The following HYCC1 variants were observed in gnomAD, a reference collection of about 807,000 sequenced individuals.
HYCC1 encodes hyccin.
the HYCC1 span, among the ~76,000 whole-genome samples, chr7:22,925,252 G>A: frequency 2.6e-4 from 40 of 152,234 alleles, no homozygotes; most frequent in Admixed American, 1.9e-3. Flanking sequence ...CAGAAAAACC[G>A]GAAACTCTAA....
the HYCC1 span, among the ~76,000 whole-genome samples, chr7:22,930,815 A>G: frequency 6.6e-6 from 1 of 152,156 alleles, no homozygotes; most frequent in African/African-American, 2.4e-5. Context: ...CCAGGAATGC[A>G]AGGTTGGTTT....
chr7:22,946,169 C>A, the HYCC1 span: 54 of 1,608,100 alleles, frequency 3.4e-5, 3 homozygotes, highest in South Asian at 5.5e-4. Context: ...ATTTCCTAAA[C>A]AAAGAAATGA....
chr7:22,960,183 T>C, the HYCC1 span: 3 of 1,458,918 alleles, frequency 2.1e-6, no homozygotes, highest in South Asian at 1.1e-5. Flanking sequence ...TTAGAAGTTA[T>C]AGCACCATAA....
the HYCC1 span, chr7:22,960,343 G>C: frequency 6.2e-7 from 1 of 1,612,862 alleles, no homozygotes; most frequent in Non-Finnish European, 8.5e-7. Flanking sequence ...ATTTCAACTT[G>C]AATACACCTT....
At chr7:22,941,139 C>T in the HYCC1 span, 2 of 152,146 alleles carry the variant, frequency 1.3e-5, no homozygotes, top group Non-Finnish European at 2.9e-5. Context: ...TCACTTACCC[C>T]CAAAAGCTCT....
chr7:22,908,839 G>T, the HYCC1 span, among the ~76,000 whole-genome samples: 204 of 152,280 alleles, frequency 1.3e-3, no homozygotes, highest in African/African-American at 4.6e-3. Context: ...TATTGTGGGG[G>T]TTTGGTACTA....
At chr7:22,979,001 A>G in the HYCC1 span, among the ~76,000 whole-genome samples, 2 of 152,234 alleles carry the variant, frequency 1.3e-5, no homozygotes, top group Admixed American at 1.3e-4. Flanking sequence ...CTCTTAAAGC[A>G]TATACAATGA....
the HYCC1 span, among the ~76,000 whole-genome samples, chr7:22,992,442 A>C: frequency 6.6e-6 from 1 of 152,098 alleles, no homozygotes. Flanking sequence ...GTTTGGAGAA[A>C]CTGGGCTTTG....
the HYCC1 span, among the ~76,000 whole-genome samples, chr7:23,007,805 C>T: frequency 6.6e-6 from 1 of 152,010 alleles, no homozygotes; most frequent in Non-Finnish European, 1.5e-5. Flanking sequence ...AAATCTAACA[C>T]AATTCATCAA....
the HYCC1 span, among the ~76,000 whole-genome samples, chr7:22,897,560 A>C: frequency 6.6e-6 from 1 of 152,232 alleles, no homozygotes; most frequent in Non-Finnish European, 1.5e-5. Context: ...TAAATAAGAT[A>C]GTACGTGCAG....
chr7:22,927,294 C>T, the HYCC1 span, among the ~76,000 whole-genome samples: 1 of 152,038 alleles, frequency 6.6e-6, no homozygotes, highest in East Asian at 1.9e-4. Flanking sequence ...AGAGCAAACA[C>T]ATTCAAAAGC....
At chr7:22,986,364 T>TA in the HYCC1 span, among the ~76,000 whole-genome samples, 1 of 152,154 alleles carries the variant, frequency 6.6e-6, no homozygotes, top group Non-Finnish European at 1.5e-5. Flanking sequence ...AATGGTGTTT[T>TA]AAAAAACAAG....
chr7:22,996,214 A>G, the HYCC1 span, among the ~76,000 whole-genome samples: 1 of 150,350 alleles, frequency 6.7e-6, no homozygotes, highest in South Asian at 2.1e-4. Context: ...AATCACTTGA[A>G]CCCGGGAGGC....
chr7:23,014,046 G>C, the HYCC1 span: 1 of 470,920 alleles, frequency 2.1e-6, no homozygotes, highest in African/African-American at 2.0e-5. Flanking sequence ...CTTCCTAGCA[G>C]AACGGGTCCC....
At chr7:22,958,396 G>A in the HYCC1 span, among the ~76,000 whole-genome samples, 7 of 152,062 alleles carry the variant, frequency 4.6e-5, no homozygotes, top group Admixed American at 1.3e-4. Context: ...CCATGCATGT[G>A]ACTTACTTTT....
chr7:22,983,268 G>A, the HYCC1 span, among the ~76,000 whole-genome samples: 2 of 150,870 alleles, frequency 1.3e-5, no homozygotes, highest in African/African-American at 2.4e-5. Flanking sequence ...GGTCAAGGCT[G>A]CAGTGAGCCA....
At chr7:22,963,528 GATAAA>G in the HYCC1 span, among the ~76,000 whole-genome samples, 7 of 152,144 alleles carry the variant, frequency 4.6e-5, no homozygotes, top group Non-Finnish European at 7.4e-5. Context: ...AAAGAAAAAA[GATAAA>G]ATAAAGTAGA....
chr7:22,929,450 A>G, the HYCC1 span, among the ~76,000 whole-genome samples: 2 of 152,196 alleles, frequency 1.3e-5, no homozygotes, highest in African/African-American at 4.8e-5. Flanking sequence ...CAATCTGACA[A>G]AGGGCTAATA....
the HYCC1 span, among the ~76,000 whole-genome samples, chr7:23,008,745 C>G: frequency 1.3e-5 from 2 of 151,972 alleles, no homozygotes; most frequent in Admixed American, 1.3e-4. Flanking sequence ...ACAGAGTATA[C>G]ACACATGATT....
Sources: allele counts gnomAD v4.1 joint callset (sites outside exome capture counted in the v4.1 genomes callset), GRCh38; gene constraint gnomAD v4.1.1; transcripts MANE v1.5; gene names NCBI Gene and HGNC (gene_info 2026-07-23, HGNC 2026-07-21).